The following TRIM44 variants were observed in gnomAD, a reference collection of about 807,000 sequenced individuals.
TRIM44 encodes the protein tripartite motif-containing protein 44.
TRIM44 carries 13 observed loss-of-function variants against 37.4 expected under a neutral mutation model. The ratio of observed to expected loss-of-function variants is 0.35; its 90% CI spans 0.23 to 0.55. The LOEUF is 0.55. Among genes scored for constraint, TRIM44 ranks in the 20% least tolerant of loss-of-function variants. TRIM44 has a pLI of 0.89. For synonymous variants in TRIM44, 175 were observed against 157.2 expected (o/e 1.11, Z -0.85); for missense variants, 426 against 437.2 (o/e 0.97, Z 0.23).
intron 4 of TRIM44, among the ~76,000 whole-genome samples, chr11:35,769,462 T>G (rs556368063): frequency 7.2e-5 from 11 of 152,234 alleles, no homozygotes; most frequent in Non-Finnish European, 1.5e-4. Flanking sequence ...CCTTGTTTCT[T>G]TTTAATTTAC....
intron 4 of TRIM44, among the ~76,000 whole-genome samples, chr11:35,795,065 A>G (rs2133879943): frequency 6.6e-6 from 1 of 152,264 alleles, no homozygotes. Flanking sequence ...CCAAGATGTG[A>G]GGGTAAGAGC....
intron 1 of TRIM44, among the ~76,000 whole-genome samples, chr11:35,675,306 T>C (rs1343293177): frequency 6.6e-6 from 1 of 152,188 alleles, no homozygotes; most frequent in Non-Finnish European, 1.5e-5. Flanking sequence ...TCTAAAATAA[T>C]GAAATAATTT....
rs922256403 is a variant in TRIM44 at position 35,674,566 on chromosome 11, A to T, written c.670-10693A>T. On this transcript the variant is annotated intron_variant, in intron 1 of 4. Transcript: ENST00000299413. ...GGTTTAGTTAGTTTTTGGTAAGGTA[A>T]TAATTGGTTTTTAACATCAATAAGA... Among the ~76,000 whole-genome samples, 4 of 152,358 alleles carry T rather than the reference A, an allele frequency of 2.6e-5. No individual in the cohort carries two copies. The East Asian group carries it at 7.7e-4, about 29-fold the overall frequency.
Position 35,735,443 on chromosome 11 carries a change from C to A in TRIM44, c.1005C>A (p.Pro335=). 1 of 1,613,606 alleles carries A rather than the reference C, an allele frequency of 6.2e-7. No individual in the cohort carries two copies. The change falls in exon 4 of 5, where the codon CCC becomes CCA. Residue 335 remains proline, a splice_region_variant and synonymous_variant. Transcript: ENST00000299413. ...TCTTTCAGGGCGATGAGGAAGGACC[C>A]AGGTAAGATCACATTGTTGCTTGTC... ...EPKAEGDEEG[P]SGASEEEDT
At chr11:35,677,877 A>T (rs1278009802) in intron 1 of TRIM44, among the ~76,000 whole-genome samples, 1 of 152,194 alleles carries the variant, frequency 6.6e-6, no homozygotes, top group Non-Finnish European at 1.5e-5. Flanking sequence ...GGAGATAGGG[A>T]GTGACTGGGA....
intron 4 of TRIM44, among the ~76,000 whole-genome samples, chr11:35,806,089 C>A (rs1853444192): frequency 6.6e-6 from 1 of 152,154 alleles, no homozygotes. Flanking sequence ...TACTGTATAC[C>A]AGGTACTGTG....
At chr11:35,698,951 T>C (rs535655150) in intron 2 of TRIM44, among the ~76,000 whole-genome samples, 539 of 139,244 alleles carry the variant, frequency 3.9e-3, no homozygotes, top group Non-Finnish European at 6.2e-3. Flanking sequence ...CATCTTGAAT[T>C]AATTTTTGTA....
chr11:35,761,405 C>CTG (rs1554935237), intron 4 of TRIM44, among the ~76,000 whole-genome samples: 4,025 of 150,386 alleles, frequency 0.027, 135 homozygotes, highest in African/African-American at 0.077. Flanking sequence ...CTCTCTCTCT[C>CTG]TATATATATA....
At chr11:35,779,831 C>G (rs942377191) in intron 4 of TRIM44, among the ~76,000 whole-genome samples, 1 of 149,976 alleles carries the variant, frequency 6.7e-6, no homozygotes, top group African/African-American at 2.4e-5. Context: ...GTGAGCTATC[C>G]CAACACCATT....
At chr11:35,770,016 T>G (rs1852845450) in intron 4 of TRIM44, among the ~76,000 whole-genome samples, 1 of 152,164 alleles carries the variant, frequency 6.6e-6, no homozygotes, top group South Asian at 2.1e-4. Flanking sequence ...ATCACCCAGG[T>G]AGTGAGTGTA....
intron 4 of TRIM44, among the ~76,000 whole-genome samples, chr11:35,785,446 A>G (rs1853119559): frequency 6.6e-6 from 1 of 152,244 alleles, no homozygotes; most frequent in African/African-American, 2.4e-5. Context: ...CGTTGCCTTC[A>G]GGTTTCTGTG....
At chr11:35,701,655 A>G (rs1488326548) in intron 2 of TRIM44, among the ~76,000 whole-genome samples, 2 of 152,224 alleles carry the variant, frequency 1.3e-5, no homozygotes, top group Non-Finnish European at 2.9e-5. Flanking sequence ...GGCTGTCTTG[A>G]ACAGCAGGCT....
chr11:35,773,474 C>CT (rs1852903152), intron 4 of TRIM44, among the ~76,000 whole-genome samples: 4 of 151,854 alleles, frequency 2.6e-5, no homozygotes, highest in Admixed American at 2.0e-4. Context: ...TACAGAAGCT[C>CT]TTTTTTAATT....
chr11:35,723,302 T>A (rs2072399231), intron 2 of TRIM44, among the ~76,000 whole-genome samples: 1 of 152,238 alleles, frequency 6.6e-6, no homozygotes, highest in African/African-American at 2.4e-5. Context: ...TAGGTAGTTC[T>A]GACCATACAG....
intron 2 of TRIM44, among the ~76,000 whole-genome samples, chr11:35,706,027 A>G (rs1006169529): frequency 4.7e-5 from 7 of 148,910 alleles, no homozygotes; most frequent in Non-Finnish European, 1.1e-4. Context: ...AGACTAATAA[A>G]GAAGAAAAGA....
intron 4 of TRIM44, among the ~76,000 whole-genome samples, chr11:35,800,991 A>AT (rs1486152381): frequency 6.6e-6 from 1 of 152,132 alleles, no homozygotes; most frequent in African/African-American, 2.4e-5. Flanking sequence ...ATTTTACTTT[A>AT]TTTTGTAAAG....
At chr11:35,712,388 TTAAAG>T (rs769469578) in intron 2 of TRIM44, among the ~76,000 whole-genome samples, 3 of 152,164 alleles carry the variant, frequency 2.0e-5, no homozygotes, top group Non-Finnish European at 4.4e-5. Context: ...TATTCCCACT[TTAAAG>T]TAAACGCTAC....
chr11:35,732,228 C>G lies in TRIM44; in HGVS notation c.988-3198C>G, dbSNP rs547626042. On this transcript the variant is annotated intron_variant, in intron 3 of 4. Coordinates refer to ENST00000299413, the MANE Select transcript of TRIM44 (RefSeq NM_017583.6). Reference sequence around the variant, plus strand: ...CATCATTACAAGTTCATATAAACAGCCTTGTTTGATTCTTGGTGAACAACA... The same window carrying G: ...CATCATTACAAGTTCATATAAACAGGCTTGTTTGATTCTTGGTGAACAACA... Among the ~76,000 whole-genome samples the G allele has an allele frequency of 1.2e-4, 18 of 152,222 alleles. No homozygotes were observed. In the South Asian group the frequency reaches 1.5e-3, roughly 12 times the overall value.
In TRIM44 at chr11:35,814,172, A is replaced by C. The variant is rs1256024864; in HGVS notation, c.*7787A>C. The C allele has an allele frequency of 1.3e-5, 2 of 152,254 alleles. No homozygotes were observed. Among genetic ancestry groups the C allele is most frequent in the African/African-American group, 4.8e-5 (2 of 41,472 alleles). The allele number at this position is 152,254 out of a possible 1,614,324, so 9.4% of individuals were successfully genotyped here. On this transcript the variant is annotated 3_prime_UTR_variant, in exon 5 of 5. Transcript: ENST00000299413. ...AGAAACTGGACCTCAGCGCAAGTTG[A>C]GTGTTACACAATTTAACCTGTAATA...
Sources: allele counts gnomAD v4.1 joint callset (sites outside exome capture counted in the v4.1 genomes callset), GRCh38; gene constraint gnomAD v4.1.1; transcripts MANE v1.5; gene names NCBI Gene and HGNC (gene_info 2026-07-23, HGNC 2026-07-21).